BCR: variants seen among roughly 807,000 people sequenced by gnomAD.
BCR encodes BCR activator of RhoGEF and GTPase.
Under a neutral mutation model 138.6 loss-of-function variants are expected in BCR, and 58 were observed. The observed-to-expected ratio is 0.42, with a 90% CI of 0.34 to 0.52. BCR has a LOEUF of 0.52. BCR is among the 20% of genes least tolerant of loss of function. The probability of loss-of-function intolerance (pLI) is 0.06; values close to 1 mark genes in which losing one functional copy is unlikely to be tolerated. For synonymous variants in BCR, 786 were observed against 730.1 expected, an observed-to-expected ratio of 1.08 and a Z score of -1.23; for missense variants, 1,599 against 1,727.2, an observed-to-expected ratio of 0.93 and a Z score of 1.32.
intron 13 of BCR, 86 bp from the exon 14 acceptor site, chr22:23,290,253 A>G (rs1012891496): frequency 2.6e-5 from 35 of 1,350,002 alleles, no homozygotes; most frequent in Non-Finnish European, 3.4e-5. Flanking sequence ...TGTCCACCGG[A>G]TGGTTGATTT....
chr22:23,282,307 G>C lies in BCR; in HGVS notation c.2116-1670G>C, dbSNP rs551484608. On this transcript the variant is annotated intron_variant, in intron 8 of 22. Coordinates refer to ENST00000305877, the MANE Select transcript of BCR (RefSeq NM_004327.4). Reference sequence around the variant, plus strand: ...TGCTTCCCGTGGGTGCCGTCACCAGGCAGCCGTCTGCCCTCGGCAGGCGGG... The same window carrying C: ...TGCTTCCCGTGGGTGCCGTCACCAGCCAGCCGTCTGCCCTCGGCAGGCGGG... 8.1e-4 allele frequency among the ~76,000 whole-genome samples: 123 copies of C among 152,358 alleles called. 2 individuals are homozygous for C. The highest frequency in any genetic ancestry group is 2.8e-3 in the African/African-American group (115 of 41,588).
chr22:23,281,691 G>A (rs911524782), intron 8 of BCR, among the ~76,000 whole-genome samples: 3 of 152,140 alleles, frequency 2.0e-5, no homozygotes, highest in African/African-American at 7.2e-5. Context: ...GGGGGGTTGG[G>A]GAGTCTGTGG....
chr22:23,297,207 G>GTTTTTTTTTTTTTTTTTT (rs1307353327), intron 16 of BCR, among the ~76,000 whole-genome samples: 1 of 97,382 alleles, frequency 1.0e-5, no homozygotes, highest in Admixed American at 1.1e-4. Flanking sequence ...TGGCTAAGTT[G>GTTTTTTTTTTTTTTTTTT]TTTTTTGTTT....
chr22:23,231,466 C>T (rs922366517), intron 1 of BCR, among the ~76,000 whole-genome samples: 1 of 151,034 alleles, frequency 6.6e-6, no homozygotes, highest in Admixed American at 6.6e-5. Flanking sequence ...ATGTTCATGC[C>T]ACTGCACTCC....
At chr22:23,253,690 G>A (rs1043596818) in intron 1 of BCR, 109 bp from the exon 2 acceptor site, 5 of 1,336,380 alleles carry the variant, frequency 3.7e-6, no homozygotes, top group African/African-American at 2.9e-5. Context: ...GTCGTTGTGA[G>A]ATGCCTGTTG....
chr22:23,207,973 C>T (rs757344183), intron 1 of BCR, among the ~76,000 whole-genome samples: 3 of 152,188 alleles, frequency 2.0e-5, no homozygotes, highest in Non-Finnish European at 4.4e-5. Context: ...GACAGCAGAC[C>T]CCGGCTGCCC....
At chr22:23,294,314 G>A (rs1408551692) in intron 15 of BCR, among the ~76,000 whole-genome samples, 1 of 152,152 alleles carries the variant, frequency 6.6e-6, no homozygotes, top group East Asian at 1.9e-4. Context: ...GTGGAATGAC[G>A]TGTATCCACC....
intron 1 of BCR, among the ~76,000 whole-genome samples, chr22:23,222,968 A>G (rs1324997971): frequency 6.6e-6 from 1 of 152,178 alleles, no homozygotes; most frequent in African/African-American, 2.4e-5. Context: ...TACATGTTAG[A>G]TAAGGGCTCC....
At chr22:23,231,852 G>A (rs541791175) in intron 1 of BCR, among the ~76,000 whole-genome samples, 1 of 152,322 alleles carries the variant, frequency 6.6e-6, no homozygotes, top group Admixed American at 6.5e-5. Context: ...TGCAGGTGTT[G>A]GGGGGTGGCA....
intron 1 of BCR, among the ~76,000 whole-genome samples, chr22:23,211,327 A>G (rs1183466209): frequency 2.0e-5 from 3 of 150,890 alleles, no homozygotes; most frequent in African/African-American, 7.3e-5. Context: ...CCTCCCAAGT[A>G]GCTGGGACTA....
chr22:23,228,357 G>A (rs2072916838), intron 1 of BCR, among the ~76,000 whole-genome samples: 1 of 152,084 alleles, frequency 6.6e-6, no homozygotes, highest in Non-Finnish European at 1.5e-5. Flanking sequence ...GGATCATTTA[G>A]TAGTGTTTAA....
In BCR at chr22:23,289,488, A is replaced by G. The variant is rs746022817; in HGVS notation, c.2603-29A>G. On this transcript the variant is annotated intron_variant, in intron 12 of 22. Transcript: ENST00000305877. ...AGAGGGCCAAGGAGCAGATTGACCA[A>G]TTGGTGCACCTCTTTTCCAACCTCC... is the stretch of plus-strand genomic sequence containing the variant. 10 of 1,586,432 alleles carry G rather than the reference A, an allele frequency of 6.3e-6. No homozygotes were observed. In the Admixed American group the frequency reaches 1.5e-4, roughly 24 times the overall value.
chr22:23,256,804 G>A (rs1335074713), intron 2 of BCR, among the ~76,000 whole-genome samples: 1 of 152,132 alleles, frequency 6.6e-6, no homozygotes, highest in East Asian at 1.9e-4. Flanking sequence ...GCTGACAACA[G>A]TTTTATTCAC....
At chr22:23,289,791 G>A in intron 13 of BCR, 170 bp downstream of exon 13, 1 of 643,778 alleles carries the variant, frequency 1.6e-6, no homozygotes, top group Non-Finnish European at 2.7e-6. Context: ...AGTGGACAAG[G>A]TGGGTTAGGA....
chr22:23,245,909 C>T (rs1422155940), intron 1 of BCR, among the ~76,000 whole-genome samples: 3 of 152,158 alleles, frequency 2.0e-5, no homozygotes, highest in Non-Finnish European at 4.4e-5. Flanking sequence ...TGTGCAACCA[C>T]CATCTCCGTT....
intron 4 of BCR, chr22:23,262,851 G>GC: frequency 1.9e-6 from 2 of 1,043,622 alleles, no homozygotes; most frequent in Non-Finnish European, 2.3e-6. Context: ...CGGAAGGGAA[G>GC]CCCGGGCCGC....
In BCR at chr22:23,316,520, A is replaced by G. The variant is rs541548967; in HGVS notation, c.*998A>G. On this transcript the variant is annotated 3_prime_UTR_variant, in exon 23 of 23. Transcript: ENST00000305877. ...AACCTTTTGATACTTGAATATTTGT[A>G]AGTTTTATACATAGTTTCTAATTTT... 148 of 181,430 alleles carry G rather than the reference A, an allele frequency of 8.2e-4. 9 individuals are homozygous for G. Among genetic ancestry groups the G allele is most frequent in the African/African-American group, 4.1e-3 (141 of 34,254 alleles). The allele number at this position is 181,430 out of a possible 1,614,324, so 11.2% of individuals were successfully genotyped here. A position where few individuals can be genotyped will look rare whatever the true frequency, so the allele number is the denominator to read the frequency against.
chr22:23,289,649 G>T (rs1209069475), intron 13 of BCR, 28 bp downstream of exon 13: 7 of 1,584,720 alleles, frequency 4.4e-6, no homozygotes, highest in African/African-American at 4.0e-5. Flanking sequence ...CGTGTACAGG[G>T]CACCTGCAGG....
chr22:23,220,656 C>T lies in BCR; in HGVS notation c.1280-33143C>T, dbSNP rs146351302. 1.1e-3 allele frequency among the ~76,000 whole-genome samples: 174 copies of T among 152,286 alleles called. 1 individual carries two copies. Among genetic ancestry groups the T allele is most frequent in the African/African-American group, 4.0e-3 (167 of 41,554 alleles). On this transcript the variant is annotated intron_variant, in intron 1 of 22. Coordinates refer to ENST00000305877, the MANE Select transcript of BCR (RefSeq NM_004327.4). ...GTATACTTGGTGTTTCATTCACACTCCTTGCAGCATGCTTCTGGGATATGA... is the reference window on the plus strand; with the variant it reads ...GTATACTTGGTGTTTCATTCACACTTCTTGCAGCATGCTTCTGGGATATGA...
Sources: gnomAD v4.1 joint callset for allele counts (sites outside exome capture counted in the v4.1 genomes callset) on GRCh38, gnomAD v4.1.1 for gene constraint, MANE v1.5 for transcripts, NCBI Gene and HGNC (gene_info 2026-07-23, HGNC 2026-07-21) for gene names.